Variants in ANO4 observed in about 807,000 individuals in gnomAD.
ANO4 encodes the protein anoctamin 4.
In ANO4, 69 loss-of-function variants were observed where a neutral mutation model predicts 141.9. The ratio of observed to expected loss-of-function variants is 0.49; its 90% CI spans 0.40 to 0.59. The LOEUF is 0.59. Among genes scored for constraint, ANO4 ranks in the 20% least tolerant of loss-of-function variants. The pLI is 0.00. For missense variants in ANO4, 894 were observed against 1,162.2 expected, an observed-to-expected ratio of 0.77 and a Z score of 3.36; for synonymous variants, 350 against 394.3, an observed-to-expected ratio of 0.89 and a Z score of 1.33.
At chr12:101,077,542 A>T (rs2049069967) in intron 14 of ANO4, among the ~76,000 whole-genome samples, 1 of 152,204 alleles carries the variant, frequency 6.6e-6, no homozygotes, top group African/African-American at 2.4e-5. Context: ...TCTATCTTCC[A>T]GAATAAGACA....
At chr12:100,900,786 T>C (rs571941469) in intron 1 of ANO4, among the ~76,000 whole-genome samples, 16 of 152,306 alleles carry the variant, frequency 1.1e-4, no homozygotes, top group Admixed American at 3.3e-4. Context: ...TCTTCTGTAG[T>C]GAAGAATTTT....
chr12:101,110,863 G>T (rs1030279507), intron 23 of ANO4, among the ~76,000 whole-genome samples: 1 of 150,304 alleles, frequency 6.7e-6, no homozygotes, highest in Non-Finnish European at 1.5e-5. Flanking sequence ...TTTTAAAATA[G>T]ATCTTCCATT....
At chr12:101,015,413 AT>A (rs1414890414) in intron 8 of ANO4, among the ~76,000 whole-genome samples, 1 of 118,950 alleles carries the variant, frequency 8.4e-6, no homozygotes, top group Non-Finnish European at 1.9e-5. Flanking sequence ...TGTCTTGGAG[AT>A]TTTTTTAGAT....
At chr12:100,808,840 T>G (rs988210109) in intron 1 of ANO4, among the ~76,000 whole-genome samples, 34 of 152,194 alleles carry the variant, frequency 2.2e-4, no homozygotes, top group South Asian at 4.1e-4. Flanking sequence ...AAAAACGTAT[T>G]TGTTTTAAAT....
In ANO4 at chr12:101,083,689, A is replaced by T. The variant is rs1165304832; in HGVS notation, c.1407A>T (p.Arg469=). The change falls in exon 16 of 28, where the codon CGA becomes CGT. Residue 469 remains arginine (R), a synonymous_variant. Transcript: ENST00000392977. The stretch of plus-strand genomic sequence containing the variant: ...TGCTTGTCCTTTAGGAAGAAATACG[A>T]CCCCAGTTTGAAGCCAAGTATTCCA... The part of the protein sequence containing the change: ...IDWEEEEEEI[R]PQFEAKYSKK... 6.2e-7 allele frequency: 1 copy of T among 1,607,280 alleles called. No individual in the cohort carries two copies. The highest frequency in any genetic ancestry group is 8.5e-7 in the Non-Finnish European group (1 of 1,178,510).
chr12:100,932,362 G>GT lies in ANO4; in HGVS notation c.161-6942dup, dbSNP rs200760686. The stretch of plus-strand genomic sequence containing the variant: ...GGCTATTTCTAAAATACACTTGCTG[G>GT]TTTTTTTTTTTCATTGCCTTTATAG... On this transcript the variant is annotated intron_variant, in intron 3 of 27. Coordinates refer to ENST00000392977, the MANE Select transcript of ANO4 (RefSeq NM_001286615.2). Among the ~76,000 whole-genome samples, 121 of 146,384 alleles carry GT rather than the reference G, an allele frequency of 8.3e-4. 1 individual carries two copies. Among genetic ancestry groups the GT allele is most frequent in the Middle Eastern group, 3.5e-3 (1 of 286 alleles).
chr12:100,810,031 C>T (rs1242004985), intron 1 of ANO4, among the ~76,000 whole-genome samples: 1 of 152,088 alleles, frequency 6.6e-6, no homozygotes, highest in Non-Finnish European at 1.5e-5. Flanking sequence ...CTCCCCACTC[C>T]CAAAGCCATC....
intron 1 of ANO4, among the ~76,000 whole-genome samples, chr12:100,871,307 C>G (rs1266317281): frequency 6.6e-6 from 1 of 152,190 alleles, no homozygotes; most frequent in Non-Finnish European, 1.5e-5. Flanking sequence ...TTCAATCAAA[C>G]TCTGTATAAG....
chr12:100,916,047 A>G (rs2041323601), intron 2 of ANO4, among the ~76,000 whole-genome samples: 1 of 71,880 alleles, frequency 1.4e-5, no homozygotes, highest in South Asian at 4.6e-4. Flanking sequence ...AGTGGTAGTA[A>G]TGTAACTTTT....
Position 100,870,693 on chromosome 12 carries a change from C to CT in ANO4, c.-140-30949dup, listed in dbSNP as rs202247631. Among the ~76,000 whole-genome samples, 1,062 of 152,092 alleles carry CT rather than the reference C, an allele frequency of 7.0e-3. 15 individuals are homozygous for CT. Among genetic ancestry groups the CT allele is most frequent in the African/African-American group, 0.024 (996 of 41,478 alleles). ...TATGGACTGGAGGACAATAAGTAAA[C>CT]TTTTGTAGTATGGCAGGGTGATCTA... On this transcript the variant is annotated intron_variant, in intron 1 of 27. Coordinates refer to ENST00000392977, the MANE Select transcript of ANO4 (RefSeq NM_001286615.2).
At position 101,097,931 on chromosome 12, in the gene ANO4, G is replaced by A; in HGVS notation, c.1992G>A (p.Met664Ile). ...MVLKQTWNNF[M>I]ELGYPLIQNW... ...TAAAGCAGACCTGGAATAATTTCAT[G>A]GAACTTGGCTACCCGTAAGTACCTT... Residue 664 changes from methionine to isoleucine, a missense_variant, in exon 21 of 28, where the codon ATG (methionine) becomes ATA (isoleucine). Physicochemically the swap from Met to Ile is conservative, Grantham distance 10. This residue lies in a region of ANO4 where 637 missense variants were observed against 909.2 expected (regional missense o/e 0.70). Coordinates refer to ENST00000392977, the MANE Select transcript of ANO4 (RefSeq NM_001286615.2). 6.2e-7 allele frequency: 1 copy of A among 1,613,624 alleles called. No individual in the cohort carries two copies. Among genetic ancestry groups the A allele is most frequent in the Non-Finnish European group, 8.5e-7 (1 of 1,179,628 alleles).
Position 100,879,344 on chromosome 12 carries a change from G to C in ANO4, c.-140-22302G>C, listed in dbSNP as rs1388825466. On this transcript the variant is annotated intron_variant, in intron 1 of 27. Transcript: ENST00000392977. ...AAGAAATTAAGCAGTGTGGAGGTTA[G>C]ATTCAACTTCCACTAATGGAGAAGA... 2.0e-5 allele frequency among the ~76,000 whole-genome samples: 3 copies of C among 152,174 alleles called. 1 individual carries two copies. The highest frequency in any genetic ancestry group is 4.8e-5 in the African/African-American group (2 of 41,454).
intron 5 of ANO4, among the ~76,000 whole-genome samples, chr12:100,959,358 C>A (rs1159687340): frequency 6.6e-6 from 1 of 152,130 alleles, no homozygotes; most frequent in East Asian, 1.9e-4. Context: ...CCTCTCTACT[C>A]AGTTGTTACA....
chr12:100,782,034 C>G (rs1311873155), intron 3 of ANO4, among the ~76,000 whole-genome samples: 1 of 152,224 alleles, frequency 6.6e-6, no homozygotes, highest in African/African-American at 2.4e-5. Context: ...TTGTGGACAT[C>G]AGATTCAGAA....
intron 1 of ANO4, among the ~76,000 whole-genome samples, chr12:100,889,568 A>G (rs1230791278): frequency 6.6e-6 from 1 of 152,252 alleles, no homozygotes; most frequent in African/African-American, 2.4e-5. Context: ...CCCCTCGAAT[A>G]GTGGACAAAG....
At chr12:100,788,963 T>C (rs1291030106) in intron 3 of ANO4, among the ~76,000 whole-genome samples, 1 of 148,134 alleles carries the variant, frequency 6.8e-6, no homozygotes, top group Non-Finnish European at 1.5e-5. Flanking sequence ...GGAAAAGGGG[T>C]TCCAAGCAAA....
chr12:100,816,316 CTG>C (rs1689719996), intron 1 of ANO4, among the ~76,000 whole-genome samples: 2 of 151,978 alleles, frequency 1.3e-5, no homozygotes, highest in African/African-American at 2.4e-5. Flanking sequence ...GAGAGAATAA[CTG>C]TGGAAGCATA....
intron 8 of ANO4, among the ~76,000 whole-genome samples, chr12:101,011,286 A>T (rs767177360): frequency 6.6e-6 from 1 of 151,248 alleles, no homozygotes; most frequent in African/African-American, 2.4e-5. Context: ...AGGAGTGTAT[A>T]TACAGACATA....
intron 3 of ANO4, among the ~76,000 whole-genome samples, chr12:100,777,732 T>A (rs1284196469): frequency 1.3e-5 from 2 of 152,124 alleles, no homozygotes; most frequent in East Asian, 3.9e-4. Flanking sequence ...ACAAAATAAA[T>A]TTTAGCATTT....
Sources: gnomAD v4.1 joint callset for allele counts (sites outside exome capture counted in the v4.1 genomes callset) on GRCh38, gnomAD v4.1.1 for gene constraint, gnomAD v4.1.1 regional missense constraint, MANE v1.5 for transcripts, NCBI Gene and HGNC (gene_info 2026-07-23, HGNC 2026-07-21) for gene names.